The following CHD4 variants were observed in gnomAD, a reference collection of about 807,000 sequenced individuals.
CHD4 encodes chromodomain helicase DNA binding protein 4, also known as ATP-dependent chromatin remodeler CHD4.
A neutral mutation model predicts 235.5 loss-of-function variants in CHD4; 35 were observed. That is an observed-to-expected ratio of 0.15 (90% CI 0.11 to 0.20). CHD4 has a LOEUF of 0.20. CHD4 is among the 10% of genes least tolerant of loss of function. CHD4 has a pLI of 1.00. For missense variants in CHD4, 1,329 were observed against 2,432.3 expected (o/e 0.55, Z 9.54); for synonymous variants, 900 against 850.2 (o/e 1.06, Z -1.02).
Position 6,598,389 on chromosome 12 carries a change from T to C in CHD4, c.1519A>G (p.Ile507Val). Residue 507 changes from isoleucine to valine, a missense_variant, in exon 11 of 40, where the codon ATC becomes GTC. Physicochemically the swap from Ile to Val is conservative, Grantham distance 29 (BLOSUM62 3). Around this residue, in one of 26 missense-constraint regions of CHD4, gnomAD observed 33 missense variants for 84.2 expected, o/e 0.39. Transcript: ENST00000544040. ...GATGGTGGCTGACCCCACTTCCAGA[T>C]TAGGATCTTCTGCACTTTGCCCTTC... ...ALKGKVQKIL[I>V]WKWGQPPSPT... 6.2e-7 allele frequency: 1 copy of C among 1,613,186 alleles called. No individual in the cohort carries two copies. Among genetic ancestry groups the C allele is most frequent in the Non-Finnish European group, 8.5e-7 (1 of 1,179,520 alleles).
At chr12:6,588,001 C>T (rs768500724) in intron 23 of CHD4, 52 bp from the exon 24 acceptor site, 2 of 1,510,650 alleles carry the variant, frequency 1.3e-6, no homozygotes, top group Non-Finnish European at 9.2e-7. Flanking sequence ...TGGTGCCACT[C>T]TTATCCTGAC....
At chr12:6,576,523 C>A (rs1219103806) in intron 37 of CHD4, among the ~76,000 whole-genome samples, 1 of 152,154 alleles carries the variant, frequency 6.6e-6, no homozygotes, top group Admixed American at 6.5e-5. Flanking sequence ...CCATGTTGCC[C>A]GAGCTAGTCT....
Position 6,593,076 on chromosome 12 carries a change from T to A in CHD4, c.2652+15A>T. Reference sequence around the variant, plus strand: ...CCCAAAGTGGGGGCTCCAACATCCCTCCCTCAGCCCTCACCTTAGACTGAT... The same window carrying A: ...CCCAAAGTGGGGGCTCCAACATCCCACCCTCAGCCCTCACCTTAGACTGAT... On this transcript the variant is annotated intron_variant, in intron 17 of 39. Coordinates refer to ENST00000544040, the MANE Select transcript of CHD4 (RefSeq NM_001273.5). The surrounding 1 kb of genome is among the most constrained non-coding windows in gnomAD (Gnocchi z 4.9). The A allele has an allele frequency of 6.2e-7, 1 of 1,612,782 alleles. No homozygotes were observed. Among genetic ancestry groups the A allele is most frequent in the Non-Finnish European group, 8.5e-7 (1 of 1,179,628 alleles).
Position 6,601,910 on chromosome 12 carries a change from AAAAAGAC to A in CHD4, c.438+43_438+49del, listed in dbSNP as rs544898120. The A allele has an allele frequency of 7.4e-5, 119 of 1,600,832 alleles. No individual in the cohort carries two copies. The East Asian group carries it at 2.5e-3, about 33-fold the overall frequency. On this transcript the variant is annotated intron_variant, in intron 4 of 39. Transcript: ENST00000544040. ...AAGGGCAGTAAGGTGTCTAGGAAAC[AAAAAGAC>A]AAAAGTTTAACAGTACAAAGAAGAG...
chr12:6,588,086 C>T lies in CHD4; in HGVS notation c.3466-137G>A. On this transcript the variant is annotated intron_variant, in intron 23 of 39. Coordinates refer to ENST00000544040, the MANE Select transcript of CHD4 (RefSeq NM_001273.5). ...TTCATAGGAAACTTCCTTTTGCACCCCTGCCTCCAGACACCACCCTCTATT... is the reference window on the plus strand; with the variant it reads ...TTCATAGGAAACTTCCTTTTGCACCTCTGCCTCCAGACACCACCCTCTATT... 2.7e-6 allele frequency: 3 copies of T among 1,126,318 alleles called. 1 individual carries two copies. The highest frequency in any genetic ancestry group is 3.0e-5 in the South Asian group (2 of 66,920). 69.8% of individuals were successfully genotyped at this position (1,126,318 alleles called of 1,614,324 possible).
At chr12:6,581,477 GTCCTCTCGTGCCTT>G (rs1421732862) in intron 31 of CHD4, 89 bp from the exon 32 acceptor site, 1 of 1,519,154 alleles carries the variant, frequency 6.6e-7, no homozygotes, top group African/African-American at 1.4e-5. Flanking sequence ...ATCTTAAATT[GTCCTCTCGTGCCTT>G]TAAGAGCCAG....
Position 6,591,979 on chromosome 12 carries a change from C to T in CHD4, c.3027G>A (p.Leu1009=), listed in dbSNP as rs568759908. Residue 1009 remains leucine (L), a synonymous_variant, in exon 20 of 40, where the codon CTG becomes CTA. Coordinates refer to ENST00000544040, the MANE Select transcript of CHD4 (RefSeq NM_001273.5). The part of the protein sequence containing the change: ...ARGGGNQVSL[L]NVVMDLKKCC... ...ACTTCTTAAGATCCATCACCACATTCAGCAGAGACACCTGGTTGCCACCAC... is the reference window on the plus strand; with the variant it reads ...ACTTCTTAAGATCCATCACCACATTTAGCAGAGACACCTGGTTGCCACCAC... The T allele has an allele frequency of 6.2e-7, 1 of 1,614,236 alleles. No homozygotes were observed. Among genetic ancestry groups the T allele is most frequent in the Admixed American group, 1.7e-5 (1 of 60,022 alleles).
Position 6,599,780 on chromosome 12 carries a change from C to T in CHD4, c.1475G>A (p.Arg492His), listed in dbSNP as rs1289461596. 2.0e-5 allele frequency: 33 copies of T among 1,613,998 alleles called. No homozygotes were observed. The highest frequency in any genetic ancestry group is 2.5e-5 in the Non-Finnish European group (29 of 1,180,034). The part of the protein sequence containing the change: ...EIPNGEWLCP[R>H]CTCPALKGKV... ...CTGAGATCAGTCACTCACCGTACAACGGGGACAGAGCCATTCACCGTTGGG... is the reference window on the plus strand; with the variant it reads ...CTGAGATCAGTCACTCACCGTACAATGGGGACAGAGCCATTCACCGTTGGG... The change falls in exon 10 of 40, where the codon CGT (arginine) becomes CAT (histidine). Residue 492 changes from arginine (R) to histidine (H), a missense_variant. This residue lies in a region of CHD4 where 33 missense variants were observed against 84.2 expected (regional missense o/e 0.39). Transcript: ENST00000544040.
Position 6,587,649 on chromosome 12 carries a change from A to C in CHD4, c.3703+63T>G, listed in dbSNP as rs948488630. 1.9e-6 allele frequency: 3 copies of C among 1,603,744 alleles called. No homozygotes were observed. In the African/African-American group the frequency reaches 4.0e-5, roughly 22 times the overall value. On this transcript the variant is annotated intron_variant, in intron 24 of 39. Transcript: ENST00000544040. ...TCCCACAAGACCCTTGGTATCAAAG[A>C]TTCTCCCTAACCTTTAGAGAGGCCA...
Position 6,600,531 on chromosome 12 carries a change from C to T in CHD4, c.1063+3G>A. On this transcript the variant is annotated splice_donor_region_variant and intron_variant, in intron 8 of 39. Transcript: ENST00000544040. ...ATCACAAATATACAGAAGAGAAACA[C>T]ACCTTTCTTTTTCTTTTTAGTGGTT... 1 of 1,603,292 alleles carries T rather than the reference C, an allele frequency of 6.2e-7. No individual in the cohort carries two copies. Among genetic ancestry groups the T allele is most frequent in the Non-Finnish European group, 8.5e-7 (1 of 1,174,468 alleles).
In CHD4 at chr12:6,588,388, G is replaced by A. The variant is rs1948336550; in HGVS notation, c.3375C>T (p.Ser1125=). 4 of 1,614,124 alleles carry A rather than the reference G, an allele frequency of 2.5e-6. No individual in the cohort carries two copies. The highest frequency in any genetic ancestry group is 3.4e-6 in the Non-Finnish European group (4 of 1,180,014). Residue 1125 remains serine, a synonymous_variant, in exon 23 of 40, where the codon TCC becomes TCT. Coordinates refer to ENST00000544040, the MANE Select transcript of CHD4 (RefSeq NM_001273.5). Reference sequence around the variant, plus strand: ...TGATTCCAAGGCCCCCAGCTCGAGTGGAAAGCAAGAAGCAGAACTGCTGAG... The same window carrying A: ...TGATTCCAAGGCCCCCAGCTCGAGTAGAAAGCAAGAAGCAGAACTGCTGAG... ...PGAQQFCFLL[S]TRAGGLGINL... is the part of the protein sequence containing the mutation.
intron 27 of CHD4, 31 bp from the exon 28 acceptor site, chr12:6,582,967 C>T (rs1456820087): frequency 1.2e-6 from 2 of 1,610,474 alleles, no homozygotes; most frequent in African/African-American, 2.7e-5. Flanking sequence ...ATGAGTGACA[C>T]AGGTAGGATA....
chr12:6,572,619 C>T (rs1436903966), intron 38 of CHD4, among the ~76,000 whole-genome samples: 2 of 148,922 alleles, frequency 1.3e-5, no homozygotes, highest in African/African-American at 5.1e-5. Flanking sequence ...TGCAATGGCA[C>T]AATCTTGGCT....
At chr12:6,577,963 C>A (rs370214171) in intron 36 of CHD4, 46 bp from the exon 37 acceptor site, 4 of 1,612,160 alleles carry the variant, frequency 2.5e-6, no homozygotes, top group Admixed American at 3.3e-5. Flanking sequence ...AAAGTAAGAA[C>A]CTCAAACTAA....
chr12:6,597,769 A>T, intron 12 of CHD4, 125 bp downstream of exon 12: 1 of 883,460 alleles, frequency 1.1e-6, no homozygotes, highest in Non-Finnish European at 1.8e-6. Flanking sequence ...TGTCTCAAAA[A>T]CAAAAAACAA....
At chr12:6,572,914 C>A in intron 38 of CHD4, 160 bp downstream of exon 38, 1 of 656,120 alleles carries the variant, frequency 1.5e-6, no homozygotes, top group Non-Finnish European at 2.5e-6. Flanking sequence ...TCCTTGATTG[C>A]CTCTAAGATA....
rs1206285141 is a variant in CHD4 at position 6,598,381 on chromosome 12, C to T, written c.1527G>A (p.Lys509=). ...GTGTGGGAGATGGTGGCTGACCCCACTTCCAGATTAGGATCTTCTGCACTT... is the reference window on the plus strand; with the variant it reads ...GTGTGGGAGATGGTGGCTGACCCCATTTCCAGATTAGGATCTTCTGCACTT... ...KGKVQKILIW[K]WGQPPSPTPV... The change falls in exon 11 of 40, where the codon AAG becomes AAA. Residue 509 remains lysine, a synonymous_variant. Coordinates refer to ENST00000544040, the MANE Select transcript of CHD4 (RefSeq NM_001273.5). 2 of 1,613,664 alleles carry T rather than the reference C, an allele frequency of 1.2e-6. No individual in the cohort carries two copies. The highest frequency in any genetic ancestry group is 1.1e-5 in the South Asian group (1 of 91,036).
At position 6,582,612 on chromosome 12, in the gene CHD4, C is replaced by T. The variant is rs773089748; in HGVS notation, c.4370+3G>A. Reference sequence around the variant, plus strand: ...GATCAGTCCACTCCAGCCCTCAACTCACTTGAACTCTTTCTCTGATTTGCC... The same window carrying T: ...GATCAGTCCACTCCAGCCCTCAACTTACTTGAACTCTTTCTCTGATTTGCC... On this transcript the variant is annotated splice_donor_region_variant and intron_variant, in intron 29 of 39. Transcript: ENST00000544040. 1.9e-6 allele frequency: 3 copies of T among 1,608,834 alleles called. No individual in the cohort carries two copies. The highest frequency in any genetic ancestry group is 2.5e-6 in the Non-Finnish European group (3 of 1,177,164).
intron 22 of CHD4, among the ~76,000 whole-genome samples, chr12:6,588,659 T>A (rs1348263706): frequency 6.6e-6 from 1 of 151,878 alleles, no homozygotes; most frequent in East Asian, 1.9e-4. Context: ...ACACCTGTAA[T>A]CCCAGCTACT....
Sources: allele counts gnomAD v4.1 joint callset (sites outside exome capture counted in the v4.1 genomes callset), GRCh38; gene constraint gnomAD v4.1.1; regional missense constraint gnomAD v4.1.1; non-coding constraint Gnocchi (gnomAD v3.1); transcripts MANE v1.5; gene names NCBI Gene and HGNC (gene_info 2026-07-23, HGNC 2026-07-21).